The following SKOR1 variants were observed in gnomAD, a reference collection of about 807,000 sequenced individuals.
SKOR1 encodes the protein SKI family transcriptional corepressor 1, also known as LBX1 corepressor 1.
Under a neutral mutation model 72.4 loss-of-function variants are expected in SKOR1, and 38 were observed. The ratio of observed to expected loss-of-function variants is 0.52; its 90% CI spans 0.40 to 0.69. SKOR1 has a LOEUF of 0.69. Among genes scored for constraint, SKOR1 ranks in the 30% least tolerant of loss-of-function variants. The pLI, the probability that SKOR1 is intolerant of heterozygous loss-of-function variation, is 0.00. For missense variants in SKOR1, 1,320 were observed against 1,343.2 expected (o/e 0.98, Z 0.27); for synonymous variants, 642 against 599.4 (o/e 1.07, Z -1.04).
At position 67,825,770 on chromosome 15, in the gene SKOR1, G is replaced by T; in HGVS notation, c.107+61G>T. 7.8e-7 allele frequency: 1 copy of T among 1,284,414 alleles called. No individual in the cohort carries two copies. The highest frequency in any genetic ancestry group is 1.2e-5 in the South Asian group (1 of 81,034). The allele number at this position is 1,284,414 out of a possible 1,614,324, so 79.6% of individuals were successfully genotyped here. On this transcript the variant is annotated intron_variant, in intron 1 of 8. Transcript: ENST00000380035. The surrounding 1 kb of genome is among the most constrained non-coding windows in gnomAD (Gnocchi z 5.6). ...GGGCTGTTGTTAACGGCGCCAACAT[G>T]GGTCTGAGTAACAAAAGACGCCTGT...
rs1252326014 is a variant in SKOR1, at chr15:67,832,782, A to G, written c.2737+101A>G. On this transcript the variant is annotated intron_variant, in intron 7 of 8. Transcript: ENST00000380035. The surrounding 1 kb of genome is among the most constrained non-coding windows in gnomAD (Gnocchi z 4.5). ...AGTCATTTGGATTTAAATTGAAGGT[A>G]ATTTAACAATTATTTTTTTATTTAA... The G allele has an allele frequency of 1.2e-5, 11 of 951,758 alleles. No homozygotes were observed. The highest frequency in any genetic ancestry group is 1.3e-5 in the Non-Finnish European group (8 of 609,484). 59.0% of individuals were successfully genotyped at this position (951,758 alleles called of 1,614,324 possible).
In SKOR1 at chr15:67,833,940, G is replaced by T; in HGVS notation, c.*104G>T. On this transcript the variant is annotated 3_prime_UTR_variant, in exon 9 of 9. Transcript: ENST00000380035. This position sits in a 1 kb window ranked among gnomAD's most constrained non-coding sequence, Gnocchi z 6.0. ...AGGAACAAGCCATTCGGACCCGACC[G>T]ATGTAAATACAGCCGCCCGTCCGCC... 1 of 1,284,444 alleles carries T rather than the reference G, an allele frequency of 7.8e-7. No individual in the cohort carries two copies. The highest frequency in any genetic ancestry group is 1.1e-6 in the Non-Finnish European group (1 of 900,072). 79.6% of individuals were successfully genotyped at this position (1,284,444 alleles called of 1,614,324 possible).
chr15:67,825,988 A>G lies in SKOR1; in HGVS notation c.160A>G (p.Ser54Gly). ...TCAGCTGGGGCCGGGGCGCGAGGGC[A>G]GTTCCTCGCCCAACTCCAAGCAGGA... is the stretch of plus-strand genomic sequence containing the variant. ...TTQLGPGREG[S>G]SSPNSKQELQ... The change falls in exon 2 of 9, where the codon AGT becomes GGT. Residue 54 changes from serine to glycine, a missense_variant. Physicochemically the swap from Ser to Gly is moderately conservative, Grantham distance 56. Around this residue, in one of 3 missense-constraint regions of SKOR1, gnomAD observed 120 missense variants for 104.9 expected, o/e 1.14. Coordinates refer to ENST00000380035, the MANE Select transcript of SKOR1 (RefSeq NM_001365915.1). This position sits in a 1 kb window ranked among gnomAD's most constrained non-coding sequence, Gnocchi z 5.6. 6.5e-7 allele frequency: 1 copy of G among 1,529,936 alleles called. No individual in the cohort carries two copies. Among genetic ancestry groups the G allele is most frequent in the Non-Finnish European group, 8.8e-7 (1 of 1,139,348 alleles). The allele number at this position is 1,529,936 out of a possible 1,614,324, so 94.8% of individuals were successfully genotyped here.
Position 67,825,709 on chromosome 15 carries a change from G to C in SKOR1, c.107G>C (p.Arg36Thr), listed in dbSNP as rs992778520. ...TTCCTTGCAGCCCGGGCATTCCTGA[G>C]GTCTCCTTTACCCCTTCTCCTCCCC... The part of the protein sequence containing the change: ...IGFLAARAFL[R>T]SGGMEALTTQ... Residue 36 changes from arginine to threonine, a missense_variant and splice_region_variant, in exon 1 of 9, where the codon AGG becomes ACG. Coordinates refer to ENST00000380035, the MANE Select transcript of SKOR1 (RefSeq NM_001365915.1). The surrounding 1 kb of genome is among the most constrained non-coding windows in gnomAD (Gnocchi z 5.6). 2 of 774,324 alleles carry C rather than the reference G, an allele frequency of 2.6e-6. No individual in the cohort carries two copies. Among genetic ancestry groups the C allele is most frequent in the Non-Finnish European group, 4.6e-6 (2 of 436,182 alleles). 48.0% of individuals were successfully genotyped at this position (774,324 alleles called of 1,614,324 possible).
chr15:67,829,850 G>A (rs1170635229), intron 3 of SKOR1, among the ~76,000 whole-genome samples: 2 of 152,238 alleles, frequency 1.3e-5, no homozygotes, highest in Non-Finnish European at 2.9e-5. Context: ...CGCGTTCTCA[G>A]CAGGAGTCGG....
At position 67,826,737 on chromosome 15, in the gene SKOR1, C is replaced by T. The variant is rs771274388; in HGVS notation, c.909C>T (p.Gly303=). Residue 303 remains glycine, a synonymous_variant, in exon 2 of 9, where the codon GGC becomes GGT. Transcript: ENST00000380035. ...GSGGQGKGGA[G]GGGGGGPGCG... ...GTGGGCAGGGGAAGGGTGGTGCTGGCGGCGGTGGCGGCGGTGGCCCAGGGT... is the reference window on the plus strand; with the variant it reads ...GTGGGCAGGGGAAGGGTGGTGCTGGTGGCGGTGGCGGCGGTGGCCCAGGGT... 3 of 1,536,484 alleles carry T rather than the reference C, an allele frequency of 2.0e-6. No individual in the cohort carries two copies. The highest frequency in any genetic ancestry group is 2.0e-5 in the Admixed American group (1 of 51,004).
intron 5 of SKOR1, among the ~76,000 whole-genome samples, chr15:67,831,096 T>C (rs1050161399): frequency 1.3e-5 from 2 of 152,192 alleles, no homozygotes; most frequent in Non-Finnish European, 2.9e-5. Flanking sequence ...GGGTAGAGCA[T>C]GGGAGTAAAA....
chr15:67,830,985 A>G (rs1168815415), intron 5 of SKOR1, 96 bp downstream of exon 5: 1 of 1,260,182 alleles, frequency 7.9e-7, no homozygotes, highest in African/African-American at 1.5e-5. Flanking sequence ...TGAGTGTGGA[A>G]AAGACACTCA....
chr15:67,833,689 G>T lies in SKOR1; in HGVS notation c.2804-53G>T. The T allele has an allele frequency of 6.4e-7, 1 of 1,567,712 alleles. No individual in the cohort carries two copies. Among genetic ancestry groups the T allele is most frequent in the African/African-American group, 1.3e-5 (1 of 74,086 alleles). The stretch of plus-strand genomic sequence containing the variant: ...GGGAGGGGAAAGGGTGGACTGCGCG[G>T]TGAGGTGAGCCTGGAGAGGCGCCCA... On this transcript the variant is annotated intron_variant, in intron 8 of 8. Transcript: ENST00000380035. The surrounding 1 kb of genome is among the most constrained non-coding windows in gnomAD (Gnocchi z 6.0).
chr15:67,833,719 G>A lies in SKOR1; in HGVS notation c.2804-23G>A, dbSNP rs781061452. The A allele has an allele frequency of 6.2e-7, 1 of 1,612,078 alleles. No individual in the cohort carries two copies. The highest frequency in any genetic ancestry group is 1.1e-5 in the South Asian group (1 of 91,058). On this transcript the variant is annotated intron_variant, in intron 8 of 8. Coordinates refer to ENST00000380035, the MANE Select transcript of SKOR1 (RefSeq NM_001365915.1). This position sits in a 1 kb window ranked among gnomAD's most constrained non-coding sequence, Gnocchi z 6.0. ...GTGAGCCTGGAGAGGCGCCCAGAGT[G>A]ACCCTCGCGACTGTCTCCCCAGAAG...
chr15:67,833,199 G>A lies in SKOR1; in HGVS notation c.2745G>A (p.Leu915=). ...CCTCCCCTTGTCTTCCAGATACCCT[G>A]TGTAACGAACTCGACCAGGAGCGGA... The part of the protein sequence containing the change: ...VQQLQIVRDT[L]CNELDQERKA... The change falls in exon 8 of 9, where the codon CTG becomes CTA. Residue 915 remains leucine, a synonymous_variant. Transcript: ENST00000380035. The surrounding 1 kb of genome is among the most constrained non-coding windows in gnomAD (Gnocchi z 6.0). The A allele has an allele frequency of 1.2e-6, 2 of 1,614,106 alleles. No individual in the cohort carries two copies. Among genetic ancestry groups the A allele is most frequent in the Non-Finnish European group, 1.7e-6 (2 of 1,180,024 alleles).
rs1368276648 is a variant in SKOR1 at position 67,826,338 on chromosome 15, C to A, written c.510C>A (p.His170Gln). The change falls in exon 2 of 9, where the codon CAC (histidine) becomes CAA (glutamine). Residue 170 changes from histidine (H) to glutamine (Q), a missense_variant. Coordinates refer to ENST00000380035, the MANE Select transcript of SKOR1 (RefSeq NM_001365915.1). ...ERLCKSFLGE[H>Q]KPPKLPENFA... ...TGTGCAAGTCGTTCCTGGGCGAGCACAAACCACCCAAGCTGCCCGAGAACT... is the reference window on the plus strand; with the variant it reads ...TGTGCAAGTCGTTCCTGGGCGAGCAAAAACCACCCAAGCTGCCCGAGAACT... 3.1e-6 allele frequency: 5 copies of A among 1,613,614 alleles called. No individual in the cohort carries two copies. In the South Asian group the frequency reaches 5.5e-5, roughly 18 times the overall value.
rs750001401 is a variant in SKOR1, at chr15:67,833,163, C to T, written c.2738-29C>T. On this transcript the variant is annotated intron_variant, in intron 7 of 8. Coordinates refer to ENST00000380035, the MANE Select transcript of SKOR1 (RefSeq NM_001365915.1). The surrounding 1 kb of genome is among the most constrained non-coding windows in gnomAD (Gnocchi z 6.0). ...GCCTTTCGGAGGGTGGTCTGCGTTT[C>T]CTCACTGGCCCCTCCCCTTGTCTTC... 27 of 1,613,574 alleles carry T rather than the reference C, an allele frequency of 1.7e-5. No individual in the cohort carries two copies. In the East Asian group the frequency reaches 4.2e-4, roughly 25 times the overall value.
chr15:67,827,323 C>G lies in SKOR1; in HGVS notation c.1495C>G (p.Pro499Ala). Residue 499 changes from proline to alanine, a missense_variant, in exon 2 of 9, where the codon CCG (proline) becomes GCG (alanine). Pro to Ala is a conservative substitution (Grantham distance 27). Around this residue, in one of 3 missense-constraint regions of SKOR1, gnomAD observed 1,099 missense variants for 1,025.5 expected, o/e 1.07. Coordinates refer to ENST00000380035, the MANE Select transcript of SKOR1 (RefSeq NM_001365915.1). ...PMFWPAAGSL[P>A]VPSYPAAQSQ... ...GTTCTGGCCAGCAGCAGGCAGCCTCCCGGTACCGTCCTACCCCGCTGCTCA... is the reference window on the plus strand; with the variant it reads ...GTTCTGGCCAGCAGCAGGCAGCCTCGCGGTACCGTCCTACCCCGCTGCTCA... The G allele has an allele frequency of 6.3e-7, 1 of 1,590,626 alleles. No individual in the cohort carries two copies. The highest frequency in any genetic ancestry group is 1.7e-5 in the Admixed American group (1 of 59,490).
In SKOR1 at chr15:67,826,113, G is replaced by A. The variant is rs1284947528; in HGVS notation, c.285G>A (p.Gln95=). Residue 95 remains glutamine (Q), a synonymous_variant, in exon 2 of 9, where the codon CAG becomes CAA. Coordinates refer to ENST00000380035, the MANE Select transcript of SKOR1 (RefSeq NM_001365915.1). The part of the protein sequence containing the change: ...VPIVSLVIDG[Q]ERLCLAQISN... ...TTGTGTCGCTGGTCATCGACGGCCA[G>A]GAGCGCCTATGCCTGGCGCAGATCT... 1.2e-6 allele frequency: 2 copies of A among 1,600,794 alleles called. No homozygotes were observed. Among genetic ancestry groups the A allele is most frequent in the Non-Finnish European group, 1.7e-6 (2 of 1,170,760 alleles).
chr15:67,829,317 C>T, intron 3 of SKOR1, 48 bp downstream of exon 3: 1 of 1,460,076 alleles, frequency 6.8e-7, no homozygotes, highest in Non-Finnish European at 9.2e-7. Flanking sequence ...GAACCGCAGA[C>T]AGAGGGCCGG....
rs983533132 is a variant in SKOR1 at position 67,833,269 on chromosome 15, G to C, written c.2803+12G>C. 1.9e-6 allele frequency: 3 copies of C among 1,614,004 alleles called. No homozygotes were observed. In the East Asian group the frequency reaches 6.7e-5, roughly 36 times the overall value. On this transcript the variant is annotated intron_variant, in intron 8 of 8. Coordinates refer to ENST00000380035, the MANE Select transcript of SKOR1 (RefSeq NM_001365915.1). The surrounding 1 kb of genome is among the most constrained non-coding windows in gnomAD (Gnocchi z 6.0). ...GCAGAAATTGAAAGGTGCGGAAGCC[G>C]GGAAACAAAGATAGGAGGGGTGCTG...
rs2090964494 is a variant in SKOR1, at chr15:67,826,977, G to C, written c.1149G>C (p.Gly383=). 1 of 1,596,230 alleles carries C rather than the reference G, an allele frequency of 6.3e-7. No individual in the cohort carries two copies. Among genetic ancestry groups the C allele is most frequent in the African/African-American group, 1.3e-5 (1 of 74,550 alleles). Reference sequence around the variant, plus strand: ...TCCCGGTGCCCAGCAAAGGCTTTGGGCTCCTGCAAAAGCTGCCCCCACCAC... The same window carrying C: ...TCCCGGTGCCCAGCAAAGGCTTTGGCCTCCTGCAAAAGCTGCCCCCACCAC... ...PVIPVPSKGF[G]LLQKLPPPLF... The change falls in exon 2 of 9, where the codon GGG becomes GGC. Residue 383 remains glycine, a synonymous_variant. Transcript: ENST00000380035.
chr15:67,830,774 G>T, intron 4 of SKOR1, 44 bp from the exon 5 acceptor site: 3 of 1,603,656 alleles, frequency 1.9e-6, no homozygotes, highest in Non-Finnish European at 2.6e-6. Context: ...CCTCTCAAGG[G>T]CTTTCCTAGG....
Sources: gnomAD v4.1 joint callset for allele counts (sites outside exome capture counted in the v4.1 genomes callset) on GRCh38, gnomAD v4.1.1 for gene constraint, gnomAD v4.1.1 regional missense constraint, Gnocchi (gnomAD v3.1) non-coding constraint, MANE v1.5 for transcripts, NCBI Gene and HGNC (gene_info 2026-07-23, HGNC 2026-07-21) for gene names.